Variants in AIMP1 observed in about 807,000 individuals in gnomAD.
The protein encoded by AIMP1 is aminoacyl tRNA synthase complex-interacting multifunctional protein 1.
AIMP1 carries 24 observed loss-of-function variants against 33.1 expected under a neutral mutation model. The ratio of observed to expected loss-of-function variants is 0.73; its 90% CI spans 0.53 to 1.02. The LOEUF (loss-of-function observed/expected upper bound fraction) is 1.02, where lower values mean the gene tolerates loss of function less well. Among genes scored for constraint, AIMP1 ranks in the 50% least tolerant of loss-of-function variants. The pLI, the probability that AIMP1 is intolerant of heterozygous loss-of-function variation, is 0.00. For missense variants in AIMP1, 367 were observed against 364.8 expected (o/e 1.01, Z -0.05); for synonymous variants, 120 against 121.5 (o/e 0.99, Z 0.08).
chr4:106,345,097 A>G (rs1770247032), intron 6 of AIMP1, among the ~76,000 whole-genome samples: 1 of 152,162 alleles, frequency 6.6e-6, no homozygotes, highest in African/African-American at 2.4e-5. Context: ...GTTGTGTGTT[A>G]TTATGAATGT....
Position 106,349,381 on chromosome 4 carries a change from GA to G in AIMP1, c.*1692del, listed in dbSNP as rs1008682319. ...TCAAATTATCTAATGTTTTGTTAGT[GA>G]AACCTAAACTGATGATTAAATCGTT... is the stretch of plus-strand genomic sequence containing the variant. On this transcript the variant is annotated 3_prime_UTR_variant, in exon 7 of 7. Coordinates refer to ENST00000672341, the MANE Select transcript of AIMP1 (RefSeq NM_001142416.2). Among the ~76,000 whole-genome samples the G allele has an allele frequency of 6.6e-6, 1 of 151,804 alleles. No individual in the cohort carries two copies. Among genetic ancestry groups the G allele is most frequent in the African/African-American group, 2.4e-5 (1 of 41,330 alleles).
Position 106,327,524 on chromosome 4 carries a change from A to G in AIMP1, c.183A>G (p.Glu61=). 1 of 1,612,910 alleles carries G rather than the reference A, an allele frequency of 6.2e-7. No individual in the cohort carries two copies. Among genetic ancestry groups the G allele is most frequent in the Non-Finnish European group, 8.5e-7 (1 of 1,179,248 alleles). The change falls in exon 3 of 7, where the codon GAA becomes GAG. Residue 61 remains glutamate, a synonymous_variant. Transcript: ENST00000672341. The stretch of plus-strand genomic sequence containing the variant: ...CTAAACTGAAGAAAGAAATTGAAGA[A>G]CTGAAACAAGAGCTAATTCAGGCAG... ...ENAKLKKEIE[E]LKQELIQAEI...
chr4:106,341,790 G>A (rs530310477), intron 6 of AIMP1, among the ~76,000 whole-genome samples: 25 of 152,064 alleles, frequency 1.6e-4, no homozygotes, highest in Admixed American at 8.5e-4. Flanking sequence ...CTCATTCCAC[G>A]CAAATTTTAG....
intron 1 of AIMP1, among the ~76,000 whole-genome samples, chr4:106,318,317 T>C (rs1769064338): frequency 6.6e-6 from 1 of 152,240 alleles, no homozygotes; most frequent in Non-Finnish European, 1.5e-5. Context: ...TTTTGACACA[T>C]ATGATTTAAA....
intron 2 of AIMP1, among the ~76,000 whole-genome samples, chr4:106,326,176 T>C (rs1468579471): frequency 2.0e-5 from 3 of 152,234 alleles, no homozygotes; most frequent in Non-Finnish European, 4.4e-5. Flanking sequence ...TCTTGATTTA[T>C]GTGGTACTTG....
chr4:106,320,614 G>A (rs1359869913), intron 1 of AIMP1, among the ~76,000 whole-genome samples: 1 of 151,766 alleles, frequency 6.6e-6, no homozygotes, highest in Non-Finnish European at 1.5e-5. Context: ...AAAGATTAGT[G>A]ATTAAGACCA....
chr4:106,319,463 G>T (rs1408346427), intron 1 of AIMP1, among the ~76,000 whole-genome samples: 3 of 152,152 alleles, frequency 2.0e-5, no homozygotes, highest in Non-Finnish European at 4.4e-5. Context: ...TTTTAGGTTT[G>T]ATGAAGTATG....
At chr4:106,340,335 T>C (rs1378028484) in intron 6 of AIMP1, among the ~76,000 whole-genome samples, 2 of 152,030 alleles carry the variant, frequency 1.3e-5, no homozygotes, top group Non-Finnish European at 2.9e-5. Flanking sequence ...ATTTCTTATA[T>C]TGGCAAATTG....
In AIMP1 at chr4:106,324,904, T is replaced by C. The variant is rs878962312; in HGVS notation, c.-25-81T>C. 1.0e-5 allele frequency: 12 copies of C among 1,184,242 alleles called. No homozygotes were observed. The Admixed American group carries it at 3.4e-4, about 33-fold the overall frequency. The allele number at this position is 1,184,242 out of a possible 1,614,324, so 73.4% of individuals were successfully genotyped here. On this transcript the variant is annotated intron_variant, in intron 1 of 6. Transcript: ENST00000672341. ...ATTACAGTAGAAAATGTTTTTCCTT[T>C]CAGACTGCTTTTTCATAGTGGCCTA... is the stretch of plus-strand genomic sequence containing the variant.
At position 106,349,038 on chromosome 4, in the gene AIMP1, A is replaced by G. The variant is rs1770400608; in HGVS notation, c.*1346A>G. The stretch of plus-strand genomic sequence containing the variant: ...GTTATAAAAGGCAGAATTAAATTTT[A>G]TTTATTTAAATCCATGGAACTCTGG... On this transcript the variant is annotated 3_prime_UTR_variant, in exon 7 of 7. Transcript: ENST00000672341. 6.6e-6 allele frequency: 1 copy of G among 152,088 alleles called. No individual in the cohort carries two copies. The highest frequency in any genetic ancestry group is 2.4e-5 in the African/African-American group (1 of 41,428). 9.4% of individuals were successfully genotyped at this position (152,088 alleles called of 1,614,324 possible).
At chr4:106,344,629 G>A (rs1770225498) in intron 6 of AIMP1, among the ~76,000 whole-genome samples, 1 of 152,126 alleles carries the variant, frequency 6.6e-6, no homozygotes, top group Admixed American at 6.5e-5. Flanking sequence ...GAGTGATCTA[G>A]CAGATTATAT....
At chr4:106,344,837 C>CT (rs1770235913) in intron 6 of AIMP1, among the ~76,000 whole-genome samples, 1 of 152,152 alleles carries the variant, frequency 6.6e-6, no homozygotes, top group African/African-American at 2.4e-5. Context: ...TGAACCTCAG[C>CT]TTTTTCATCT....
At chr4:106,330,720 T>C (rs1253075118) in intron 4 of AIMP1, among the ~76,000 whole-genome samples, 2 of 152,214 alleles carry the variant, frequency 1.3e-5, no homozygotes, top group Non-Finnish European at 2.9e-5. Flanking sequence ...TCCAGTGTCA[T>C]AGCACTCCGT....
At chr4:106,343,516 C>CT (rs945760936) in intron 6 of AIMP1, among the ~76,000 whole-genome samples, 20 of 151,308 alleles carry the variant, frequency 1.3e-4, no homozygotes, top group Non-Finnish European at 1.9e-4. Flanking sequence ...AGGGGATTTT[C>CT]TTTTTTTTTA....
chr4:106,337,128 A>G, intron 6 of AIMP1, 91 bp downstream of exon 6: 1 of 1,200,070 alleles, frequency 8.3e-7, no homozygotes. Flanking sequence ...AGTCCTGTGT[A>G]AGAATCATGA....
intron 1 of AIMP1, 117 bp downstream of exon 1, chr4:106,316,711 T>A: frequency 1.0e-6 from 1 of 984,290 alleles, no homozygotes; most frequent in Non-Finnish European, 1.5e-6. Context: ...TAATGGGTAG[T>A]CCGTTCGCAG....
intron 1 of AIMP1, among the ~76,000 whole-genome samples, chr4:106,323,877 A>C (rs911878217): frequency 3.6e-4 from 55 of 152,228 alleles, no homozygotes; most frequent in African/African-American, 1.3e-3. Flanking sequence ...TATGGCTCAA[A>C]TCATCTTATT....
intron 5 of AIMP1, among the ~76,000 whole-genome samples, chr4:106,332,745 T>A (rs1769731103): frequency 6.6e-6 from 1 of 151,660 alleles, no homozygotes; most frequent in African/African-American, 2.4e-5. Context: ...TGAGGCTGAT[T>A]ATCTTTAATC....
At chr4:106,321,180 G>C in intron 1 of AIMP1, 1 of 168,866 alleles carries the variant, frequency 5.9e-6, no homozygotes, top group Non-Finnish European at 1.2e-5. Flanking sequence ...CGTCTAGGAA[G>C]TGAGGAGCGT....
Sources: gnomAD v4.1 joint callset for allele counts (sites outside exome capture counted in the v4.1 genomes callset) on GRCh38, gnomAD v4.1.1 for gene constraint, MANE v1.5 for transcripts, NCBI Gene and HGNC (gene_info 2026-07-23, HGNC 2026-07-21) for gene names.